PTCHD1: variants seen among roughly 807,000 people sequenced by gnomAD.
PTCHD1 encodes the protein patched domain containing 1, also known as patched domain-containing protein 1.
PTCHD1 carries 3 observed loss-of-function variants against 34.6 expected under a neutral mutation model. The ratio of observed to expected loss-of-function variants is 0.09; its 90% CI spans 0.04 to 0.22. The LOEUF is 0.22. PTCHD1 is among the 10% of genes least tolerant of loss of function. The pLI, the probability that PTCHD1 is intolerant of heterozygous loss-of-function variation, is 1.00. For synonymous variants in PTCHD1, 305 were observed against 283.1 expected (o/e 1.08, Z -0.77); for missense variants, 504 against 685.5 (o/e 0.74, Z 2.96).
rs1280387525 is a variant in PTCHD1 at position 23,395,755 on chromosome X, C to A, written c.*1570C>A. On this transcript the variant is annotated 3_prime_UTR_variant, in exon 3 of 3. Transcript: ENST00000379361. ...AAGCAAATATCTACAGTATTTTTCC[C>A]TTTTAGAGATGTAGCTTCCTTAGAC... The A allele has an allele frequency of 8.9e-6, 1 of 111,857 alleles. No individual in the cohort carries two copies. Among genetic ancestry groups the A allele is most frequent in the Non-Finnish European group, 1.9e-5 (1 of 53,126 alleles). The allele number at this position is 111,857 out of a possible 1,213,427, so 9.2% of individuals were successfully genotyped here.
At chrX:23,350,193 C>T (rs953474494) in intron 1 of PTCHD1, among the ~76,000 whole-genome samples, 6 of 110,133 alleles carry the variant, frequency 5.4e-5, no homozygotes, top group African/African-American at 2.0e-4. Context: ...TAAAAAGTTC[C>T]TCTGTAAAGA....
intron 1 of PTCHD1, among the ~76,000 whole-genome samples, chrX:23,361,537 G>T (rs1921983798): frequency 9.0e-6 from 1 of 111,420 alleles, no homozygotes; most frequent in Non-Finnish European, 1.9e-5. Context: ...TTGAGCCTAT[G>T]TGTGTCTCTG....
intron 1 of PTCHD1, among the ~76,000 whole-genome samples, chrX:23,345,601 T>C (rs758219673): frequency 3.8e-4 from 42 of 111,189 alleles, no homozygotes; most frequent in Non-Finnish European, 1.3e-4. Context: ...CCCCAGAGAG[T>C]TTCTGAGTCA....
chrX:23,357,359 G>C (rs1921835159), intron 1 of PTCHD1, among the ~76,000 whole-genome samples: 1 of 111,867 alleles, frequency 8.9e-6, no homozygotes, highest in Non-Finnish European at 1.9e-5. Flanking sequence ...CCATCAGAAT[G>C]GTAAAAAATT....
rs1170083439 is a variant in PTCHD1, at chrX:23,394,301, C to T, written c.*116C>T. 3.6e-5 allele frequency: 4 copies of T among 110,837 alleles called. No homozygotes were observed. In the Admixed American group the frequency reaches 6.1e-4, roughly 17 times the overall value. The allele number at this position is 110,837 out of a possible 1,213,427, so 9.1% of individuals were successfully genotyped here. A position where few individuals can be genotyped will look rare whatever the true frequency, so the allele number is the denominator to read the frequency against. On this transcript the variant is annotated 3_prime_UTR_variant, in exon 3 of 3. Coordinates refer to ENST00000379361, the MANE Select transcript of PTCHD1 (RefSeq NM_173495.3). ...TTTTAAAGATAGGAAACAGGCATTG[C>T]CAAAAAAAAAAAAAAAAAAAAAAGG...
At chrX:23,352,081 C>T (rs1414816526) in intron 1 of PTCHD1, among the ~76,000 whole-genome samples, 2 of 111,749 alleles carry the variant, frequency 1.8e-5, no homozygotes, top group Non-Finnish European at 3.8e-5. Flanking sequence ...AGATAAAACC[C>T]AGTGAAAGCA....
chrX:23,356,907 G>A (rs1921822422), intron 1 of PTCHD1, among the ~76,000 whole-genome samples: 1 of 111,885 alleles, frequency 8.9e-6, no homozygotes, highest in South Asian at 3.8e-4. Flanking sequence ...CCTGTGATAG[G>A]CTTTTCTGCC....
intron 1 of PTCHD1, among the ~76,000 whole-genome samples, chrX:23,356,033 T>C (rs1921793088): frequency 1.8e-5 from 2 of 112,274 alleles, no homozygotes; most frequent in African/African-American, 3.2e-5. Context: ...GTTTGCTTTT[T>C]TGTTTGCTTG....
intron 1 of PTCHD1, among the ~76,000 whole-genome samples, chrX:23,364,608 G>A (rs1012768375): frequency 5.4e-5 from 6 of 111,995 alleles, no homozygotes; most frequent in African/African-American, 1.6e-4. Flanking sequence ...CAGCAATGCC[G>A]ATGCATGGAG....
chrX:23,337,702 T>A (rs1266735817), intron 1 of PTCHD1, among the ~76,000 whole-genome samples: 1 of 111,138 alleles, frequency 9.0e-6, no homozygotes, highest in African/African-American at 3.3e-5. Flanking sequence ...CCCTGCCGGT[T>A]TTATGGCGTC....
rs1922512360 is a variant in PTCHD1, at chrX:23,379,807, C to A, written c.568C>A (p.His190Asn). Reference sequence around the variant, plus strand: ...GGACGGGAGGGCTGTGTACAATGGGCACCAGCTTGGGGGCGTCACTGTGCA... The same window carrying A: ...GGACGGGAGGGCTGTGTACAATGGGAACCAGCTTGGGGGCGTCACTGTGCA... ...LKDGRAVYNG[H>N]QLGGVTVHSK... is the part of the protein sequence containing the mutation. Residue 190 changes from histidine (H) to asparagine (N), a missense_variant, in exon 2 of 3, where the codon CAC becomes AAC. His to Asn is a moderately conservative substitution (Grantham distance 68). Coordinates refer to ENST00000379361, the MANE Select transcript of PTCHD1 (RefSeq NM_173495.3). 2.5e-6 allele frequency: 3 copies of A among 1,211,506 alleles called. No homozygotes were observed. In the East Asian group the frequency reaches 8.9e-5, roughly 36 times the overall value.
At chrX:23,335,418 C>T (rs1921141803) in intron 1 of PTCHD1, among the ~76,000 whole-genome samples, 192 bp downstream of exon 1, 1 of 113,000 alleles carries the variant, frequency 8.8e-6, no homozygotes, top group Non-Finnish European at 1.9e-5. Flanking sequence ...CGTCGGGGTC[C>T]GGGTCCGGCC....
intron 2 of PTCHD1, among the ~76,000 whole-genome samples, chrX:23,389,278 T>C (rs1231228030): frequency 2.7e-5 from 3 of 110,934 alleles, no homozygotes; most frequent in Non-Finnish European, 5.7e-5. Flanking sequence ...AACACAAGAG[T>C]CCTCACCGAT....
chrX:23,376,091 G>A (rs1440443539), intron 1 of PTCHD1, among the ~76,000 whole-genome samples: 2 of 112,128 alleles, frequency 1.8e-5, no homozygotes, highest in Non-Finnish European at 3.8e-5. Context: ...TGCATCTCAT[G>A]AGATTTTTTC....
intron 1 of PTCHD1, among the ~76,000 whole-genome samples, chrX:23,360,380 G>T (rs751500413): frequency 3.6e-5 from 4 of 111,693 alleles, no homozygotes; most frequent in Non-Finnish European, 7.5e-5. Context: ...GTCTTGGGAG[G>T]TTGTATGTGT....
At chrX:23,379,558 A>G in intron 1 of PTCHD1, 33 bp from the exon 2 acceptor site, 1 of 1,198,283 alleles carries the variant, frequency 8.3e-7, no homozygotes, top group Non-Finnish European at 1.1e-6. Context: ...GAAATATTTG[A>G]TTAATAAATG....
At position 23,393,549 on chromosome X, in the gene PTCHD1, G is replaced by T. The variant is rs372665873; in HGVS notation, c.2031G>T (p.Val677=). The part of the protein sequence containing the change: ...TLRRLSVTSK[V]KFIVFNPSFV... The stretch of plus-strand genomic sequence containing the variant: ...GGAGACTTTCTGTCACCTCCAAGGT[G>T]AAGTTCATCGTCTTCAATCCGTCCT... The change falls in exon 3 of 3, where the codon GTG becomes GTT. Residue 677 remains valine (V), a synonymous_variant. Transcript: ENST00000379361. The T allele has an allele frequency of 3.3e-6, 4 of 1,209,907 alleles. No individual in the cohort carries two copies. The highest frequency in any genetic ancestry group is 3.5e-5 in the African/African-American group (2 of 57,188).
intron 1 of PTCHD1, among the ~76,000 whole-genome samples, chrX:23,357,309 G>A (rs771014359): frequency 3.0e-4 from 33 of 111,858 alleles, no homozygotes; most frequent in Non-Finnish European, 5.4e-4. Flanking sequence ...AGACATCATG[G>A]AAATGTGAAT....
intron 1 of PTCHD1, among the ~76,000 whole-genome samples, chrX:23,370,258 A>G (rs549420907): frequency 8.9e-6 from 1 of 112,141 alleles, no homozygotes; most frequent in Non-Finnish European, 1.9e-5. Flanking sequence ...ACATCTCCTT[A>G]GTGCCAAAGC....
Sources: gnomAD v4.1 joint callset for allele counts (sites outside exome capture counted in the v4.1 genomes callset) on GRCh38, gnomAD v4.1.1 for gene constraint, MANE v1.5 for transcripts, NCBI Gene and HGNC (gene_info 2026-07-23, HGNC 2026-07-21) for gene names.